Variants in AHI1 observed in about 807,000 individuals in gnomAD.
AHI1 encodes the protein jouberin.
In AHI1, 123 loss-of-function variants were observed where a neutral mutation model predicts 149.3. That is an observed-to-expected ratio of 0.82 (90% CI 0.71 to 0.96). The LOEUF (loss-of-function observed/expected upper bound fraction) is 0.96, where lower values mean the gene tolerates loss of function less well. Ranked by LOEUF, AHI1 falls within the 40% of genes least tolerant of loss-of-function variation. The pLI, the probability that AHI1 is intolerant of heterozygous loss-of-function variation, is 0.00. For missense variants in AHI1, 1,439 were observed against 1,422.7 expected (o/e 1.01, Z -0.18); for synonymous variants, 475 against 459.8 (o/e 1.03, Z -0.42).
intron 24 of AHI1, among the ~76,000 whole-genome samples, chr6:135,323,881 TAA>T (rs1787254736): frequency 1.3e-5 from 2 of 152,238 alleles, no homozygotes; most frequent in Non-Finnish European, 2.9e-5. Flanking sequence ...AGTATCCATA[TAA>T]GTTATTTTTA....
chr6:135,457,745 A>G, intron 8 of AHI1, 32 bp from the exon 9 acceptor site: 20 of 1,577,530 alleles, frequency 1.3e-5, no homozygotes, highest in Non-Finnish European at 1.7e-5. Context: ...TCAATGTTAT[A>G]ATTAGTTGTT....
chr6:135,435,017 C>T (rs184694045), intron 15 of AHI1: 1 of 152,260 alleles, frequency 6.6e-6, no homozygotes, highest in African/African-American at 2.4e-5. Context: ...GAGACACTAA[C>T]AATAATATGT....
At chr6:135,419,750 G>A (rs149988343) in intron 20 of AHI1, among the ~76,000 whole-genome samples, 2 of 152,212 alleles carry the variant, frequency 1.3e-5, no homozygotes, top group Non-Finnish European at 2.9e-5. Context: ...GGCTGGGGTG[G>A]CTGTGGCAAT....
intron 5 of AHI1, among the ~76,000 whole-genome samples, chr6:135,481,038 G>T (rs976565541): frequency 1.2e-4 from 18 of 152,196 alleles, no homozygotes; most frequent in Non-Finnish European, 2.4e-4. Context: ...GTGCCAAAAA[G>T]GTTGGGGACG....
At chr6:135,374,335 A>T (rs1163976723) in intron 23 of AHI1, among the ~76,000 whole-genome samples, 1 of 151,408 alleles carries the variant, frequency 6.6e-6, no homozygotes, top group Non-Finnish European at 1.5e-5. Context: ...GCTGGTCTCG[A>T]TCTCCTGACC....
chr6:135,415,145 A>T (rs563805230), intron 20 of AHI1, among the ~76,000 whole-genome samples: 1 of 152,126 alleles, frequency 6.6e-6, no homozygotes, highest in South Asian at 2.1e-4. Flanking sequence ...ACATGAACTC[A>T]TCATTTTTTA....
intron 27 of AHI1, among the ~76,000 whole-genome samples, chr6:135,291,176 A>T (rs958120418): frequency 6.6e-6 from 1 of 152,176 alleles, no homozygotes; most frequent in Non-Finnish European, 1.5e-5. Context: ...AATGGAACAG[A>T]GTATCTTCTA....
intron 10 of AHI1, among the ~76,000 whole-genome samples, chr6:135,454,653 AATAAC>A (rs910492100): frequency 2.6e-5 from 4 of 152,226 alleles, no homozygotes; most frequent in African/African-American, 9.6e-5. Flanking sequence ...TTGCATAGGC[AATAAC>A]ATATTACATT....
chr6:135,412,938 G>C (rs1420115717), intron 20 of AHI1, among the ~76,000 whole-genome samples: 1 of 152,114 alleles, frequency 6.6e-6, no homozygotes, highest in Non-Finnish European at 1.5e-5. Flanking sequence ...GTTATCCATC[G>C]AAGGATTACA....
rs564603173 is a variant in AHI1, at chr6:135,311,291, G to C, written c.3426+7228C>G. On this transcript the variant is annotated intron_variant, in intron 26 of 28. Transcript: ENST00000265602. ...CACTCCAACCTGGGTGACAGGGCGA[G>C]ACCCCGCCTCAAAAAAAAAAAAAAA... 1.6e-3 allele frequency among the ~76,000 whole-genome samples: 157 copies of C among 101,224 alleles called. 2 individuals carry two copies. Among genetic ancestry groups the C allele is most frequent in the Non-Finnish European group, 2.4e-3 (135 of 56,766 alleles). 66.4% of individuals were successfully genotyped at this position (101,224 alleles called of 152,430 possible).
chr6:135,329,868 G>A (rs1216512211), intron 24 of AHI1, among the ~76,000 whole-genome samples: 1 of 152,154 alleles, frequency 6.6e-6, no homozygotes, highest in South Asian at 2.1e-4. Flanking sequence ...GGTTTATTCT[G>A]ACCCTCATGG....
chr6:135,319,158 G>C (rs752514597), intron 25 of AHI1, among the ~76,000 whole-genome samples: 1 of 152,234 alleles, frequency 6.6e-6, no homozygotes, highest in Non-Finnish European at 1.5e-5. Context: ...CTGAAGACTA[G>C]GTAGGATTTT....
intron 5 of AHI1, 47 bp from the exon 6 acceptor site, chr6:135,467,681 G>T: frequency 7.3e-7 from 1 of 1,376,936 alleles, no homozygotes; most frequent in South Asian, 1.3e-5. Flanking sequence ...TAGATTAGTT[G>T]TATCAAGAAA....
intron 24 of AHI1, among the ~76,000 whole-genome samples, chr6:135,330,532 T>A (rs2128396911): frequency 6.6e-6 from 1 of 152,362 alleles, no homozygotes; most frequent in South Asian, 2.1e-4. Context: ...TAGTTTTCTA[T>A]GTACTGAGAA....
At chr6:135,373,166 T>C (rs1775322096) in intron 23 of AHI1, among the ~76,000 whole-genome samples, 1 of 152,220 alleles carries the variant, frequency 6.6e-6, no homozygotes, top group Non-Finnish European at 1.5e-5. Context: ...TGCTGAGTAA[T>C]GATGTTTTAG....
At chr6:135,398,058 GTTTTT>G (rs68148024) in intron 22 of AHI1, among the ~76,000 whole-genome samples, 4 of 88,442 alleles carry the variant, frequency 4.5e-5, no homozygotes, top group Non-Finnish European at 8.8e-5. Flanking sequence ...TACCCAGGAT[GTTTTT>G]TTTTTTTTTT....
intron 24 of AHI1, among the ~76,000 whole-genome samples, chr6:135,329,391 A>T (rs574418126): frequency 6.6e-6 from 1 of 152,294 alleles, no homozygotes; most frequent in South Asian, 2.1e-4. Context: ...AAAATCCCAG[A>T]GCCCTTAAGA....
chr6:135,455,748 T>C lies in AHI1; in HGVS notation c.1330A>G (p.Ile444Val), dbSNP rs577887220. 1 of 1,594,064 alleles carries C rather than the reference T, an allele frequency of 6.3e-7. No homozygotes were observed. Among genetic ancestry groups the C allele is most frequent in the Non-Finnish European group, 8.6e-7 (1 of 1,168,048 alleles). The change falls in exon 10 of 29, where the codon ATC becomes GTC. Residue 444 changes from isoleucine to valine, a missense_variant. Ile to Val is a conservative substitution (Grantham distance 29). Transcript: ENST00000265602. ...TCAATTCATACCTCAAAGAACAGGA[T>C]GACTTTAGGACTCTCATCAGAGCCT... ...LRGSDESPKVILFFEILDFLS... is the reference protein window; with the variant it reads ...LRGSDESPKVVLFFEILDFLS...
intron 24 of AHI1, 35 bp downstream of exon 24, chr6:135,358,097 A>G: frequency 3.1e-6 from 5 of 1,594,760 alleles, no homozygotes; most frequent in Non-Finnish European, 4.3e-6. Flanking sequence ...GTACTTTCTT[A>G]ACACTTTTAA....
Sources: allele counts gnomAD v4.1 joint callset (sites outside exome capture counted in the v4.1 genomes callset), GRCh38; gene constraint gnomAD v4.1.1; transcripts MANE v1.5; gene names NCBI Gene and HGNC (gene_info 2026-07-23, HGNC 2026-07-21).